Variants in RTN4 observed in about 807,000 individuals in gnomAD.
The protein encoded by RTN4 is reticulon-4.
A neutral mutation model predicts 90.4 loss-of-function variants in RTN4; 32 were observed. That is an observed-to-expected ratio of 0.35 (90% CI 0.27 to 0.48). The LOEUF (loss-of-function observed/expected upper bound fraction) is 0.48, where lower values mean the gene tolerates loss of function less well. RTN4 is among the 20% of genes least tolerant of loss of function. The probability of loss-of-function intolerance (pLI) is 0.99; values close to 1 mark genes in which losing one functional copy is unlikely to be tolerated. For missense variants in RTN4, 1,706 were observed against 1,430.2 expected, an observed-to-expected ratio of 1.19 and a Z score of -3.11; for synonymous variants, 629 against 552.5, an observed-to-expected ratio of 1.14 and a Z score of -1.94.
chr2:55,049,789 G>T lies in RTN4; in HGVS notation c.512C>A (p.Ser171Tyr). ...PPAPAPAAPP[S>Y]TPAAPKRRGS... is the part of the protein sequence containing the mutation. ...CCTGCGCTTGGGCGCGGCCGGGGTG[G>T]AGGGGGGCGCGGCGGGAGCCGGGGC... Residue 171 changes from serine to tyrosine, a missense_variant, in exon 1 of 9, where the codon TCC becomes TAC. Coordinates refer to ENST00000337526, the MANE Select transcript of RTN4 (RefSeq NM_020532.5). The T allele has an allele frequency of 7.6e-7, 1 of 1,319,158 alleles. No homozygotes were observed. 81.7% of individuals were successfully genotyped at this position (1,319,158 alleles called of 1,614,324 possible).
chr2:54,989,219 C>T (rs1209941810), intron 3 of RTN4, among the ~76,000 whole-genome samples: 2 of 152,164 alleles, frequency 1.3e-5, no homozygotes, highest in African/African-American at 4.8e-5. Context: ...TTTTAAATGC[C>T]CATCACTGTG....
At chr2:55,094,995 C>T (rs779189335) in intron 1 of RTN4, among the ~76,000 whole-genome samples, 1 of 152,268 alleles carries the variant, frequency 6.6e-6, no homozygotes, top group African/African-American at 2.4e-5. Context: ...CCCGTATTAT[C>T]GCCATACTCC....
intron 5 of RTN4, among the ~76,000 whole-genome samples, chr2:54,974,981 C>T (rs1677502609): frequency 6.6e-6 from 1 of 152,154 alleles, no homozygotes; most frequent in African/African-American, 2.4e-5. Flanking sequence ...TTTCTCTGGA[C>T]TACACTACCA....
intron 3 of RTN4, among the ~76,000 whole-genome samples, chr2:54,990,994 G>A (rs1678971855): frequency 6.6e-6 from 1 of 152,076 alleles, no homozygotes; most frequent in South Asian, 2.1e-4. Flanking sequence ...GTGTTAGGAA[G>A]GATGGTCTCG....
At chr2:55,116,645 A>G (rs965289606), upstream of RTN4, among the ~76,000 whole-genome samples, 1 of 152,210 alleles carries the variant, frequency 6.6e-6, no homozygotes, top group African/African-American at 2.4e-5. Context: ...TATTATTATA[A>G]TCTCCATTCT....
At chr2:55,132,634 T>C in the RTN4 span, among the ~76,000 whole-genome samples, 5 of 151,762 alleles carry the variant, frequency 3.3e-5, no homozygotes, top group East Asian at 3.9e-4. Context: ...CAACATGGTA[T>C]ACCCCTGTCT....
At chr2:55,107,145 A>G (rs1667957585) in intron 1 of RTN4, among the ~76,000 whole-genome samples, 1 of 151,988 alleles carries the variant, frequency 6.6e-6, no homozygotes, top group Non-Finnish European at 1.5e-5. Context: ...CAAAACACTG[A>G]TATGAAGTGC....
At chr2:54,992,836 G>A (rs922815057) in intron 3 of RTN4, among the ~76,000 whole-genome samples, 2 of 151,992 alleles carry the variant, frequency 1.3e-5, no homozygotes, top group Non-Finnish European at 2.9e-5. Flanking sequence ...TTAGAAGGCC[G>A]AGGCAGGTGG....
intron 3 of RTN4, among the ~76,000 whole-genome samples, chr2:54,991,110 T>C (rs1228611147): frequency 2.0e-5 from 3 of 152,154 alleles, no homozygotes; most frequent in African/African-American, 4.8e-5. Context: ...TATGAACAAA[T>C]GCTCCTTTAT....
At chr2:55,005,949 G>A (rs956102878) in intron 3 of RTN4, among the ~76,000 whole-genome samples, 3 of 152,026 alleles carry the variant, frequency 2.0e-5, no homozygotes, top group African/African-American at 7.2e-5. Context: ...GGAGCATTTT[G>A]GCTTTTAGAT....
At chr2:55,097,949 C>T (rs909179258) in intron 1 of RTN4, among the ~76,000 whole-genome samples, 3 of 152,060 alleles carry the variant, frequency 2.0e-5, no homozygotes. Context: ...ACTCCCGCCC[C>T]TCCTCATCAA....
At chr2:55,007,524 A>T (rs1680316776) in intron 3 of RTN4, among the ~76,000 whole-genome samples, 1 of 152,138 alleles carries the variant, frequency 6.6e-6, no homozygotes, top group South Asian at 2.1e-4. Flanking sequence ...GCAGCACGCA[A>T]ATGAGGAAAT....
At position 54,982,501 on chromosome 2, in the gene RTN4, C is replaced by G; in HGVS notation, c.3360+14G>C. ...TTCTGGGTATATCAAAAATGAAAGG[C>G]AAAATAAACTTACCTTCAGAGAATC... On this transcript the variant is annotated intron_variant, in intron 5 of 8. Transcript: ENST00000337526. 1 of 1,601,534 alleles carries G rather than the reference C, an allele frequency of 6.2e-7. No homozygotes were observed. The highest frequency in any genetic ancestry group is 2.2e-5 in the East Asian group (1 of 44,614).
the RTN4 span, among the ~76,000 whole-genome samples, chr2:55,127,290 G>A: frequency 6.6e-6 from 1 of 152,194 alleles, no homozygotes; most frequent in African/African-American, 2.4e-5. Flanking sequence ...AAAGACTCAG[G>A]CTGACAAGAT....
intron 3 of RTN4, among the ~76,000 whole-genome samples, chr2:55,017,985 G>C (rs921041227): frequency 6.6e-6 from 1 of 152,126 alleles, no homozygotes; most frequent in African/African-American, 2.4e-5. Flanking sequence ...AGTTGGAATC[G>C]CAGTTCATTC....
At chr2:55,014,819 G>A (rs1317859073) in intron 3 of RTN4, among the ~76,000 whole-genome samples, 1 of 151,938 alleles carries the variant, frequency 6.6e-6, no homozygotes, top group Admixed American at 6.6e-5. Flanking sequence ...CTGGCCTCAA[G>A]CACGCATTTT....
chr2:55,095,512 T>A (rs1043659099), intron 1 of RTN4, among the ~76,000 whole-genome samples: 12 of 152,162 alleles, frequency 7.9e-5, no homozygotes, highest in African/African-American at 2.7e-4. Flanking sequence ...CTATTCAGAT[T>A]TTTTTCTTTT....
At chr2:55,046,172 C>A (rs1036085513) in intron 1 of RTN4, among the ~76,000 whole-genome samples, 2 of 152,240 alleles carry the variant, frequency 1.3e-5, no homozygotes, top group African/African-American at 4.8e-5. Flanking sequence ...ATGCTTCTAA[C>A]CCTGCTCTGC....
Position 54,974,712 on chromosome 2 carries a change from A to T in RTN4, c.3413T>A (p.Leu1138Gln), listed in dbSNP as rs772345756. The T allele has an allele frequency of 6.2e-7, 1 of 1,613,908 alleles. No individual in the cohort carries two copies. The highest frequency in any genetic ancestry group is 1.1e-5 in the South Asian group (1 of 91,084). The stretch of plus-strand genomic sequence containing the variant: ...AGACTTACCCAAAATCAGTAGTGTC[A>T]GACCATTAAACAAGGCACCAACATA... ...FTYVGALFNG[L>Q]TLLILALISL... The change falls in exon 6 of 9, where the codon CTG (leucine) becomes CAG (glutamine). Residue 1138 changes from leucine to glutamine, a missense_variant. Coordinates refer to ENST00000337526, the MANE Select transcript of RTN4 (RefSeq NM_020532.5).
Sources: gnomAD v4.1 joint callset for allele counts (sites outside exome capture counted in the v4.1 genomes callset) on GRCh38, gnomAD v4.1.1 for gene constraint, MANE v1.5 for transcripts, NCBI Gene and HGNC (gene_info 2026-07-23, HGNC 2026-07-21) for gene names.